The following USO1 variants were observed in gnomAD, a reference collection of about 807,000 sequenced individuals.
USO1 encodes general vesicular transport factor p115.
USO1 carries 57 observed loss-of-function variants against 124.5 expected under a neutral mutation model. That is an observed-to-expected ratio of 0.46 (90% CI 0.37 to 0.57). The LOEUF (loss-of-function observed/expected upper bound fraction) is 0.57, where lower values mean the gene tolerates loss of function less well. USO1 is among the 20% of genes least tolerant of loss of function. The probability of loss-of-function intolerance (pLI) is 0.00; values close to 1 mark genes in which losing one functional copy is unlikely to be tolerated. For missense variants in USO1, 900 were observed against 1,040.6 expected, an observed-to-expected ratio of 0.86 and a Z score of 1.86; for synonymous variants, 369 against 362.8, an observed-to-expected ratio of 1.02 and a Z score of -0.19.
In USO1 at chr4:75,774,616, T is replaced by C. The variant is rs538127148; in HGVS notation, c.556-60T>C. 7.9e-4 allele frequency: 1,220 copies of C among 1,535,348 alleles called. 1 individual carries two copies. Among genetic ancestry groups the C allele is most frequent in the Non-Finnish European group, 9.8e-4 (1,115 of 1,140,304 alleles). On this transcript the variant is annotated intron_variant, in intron 7 of 23. Transcript: ENST00000514213. Reference sequence around the variant, plus strand: ...TTCTAAAATTCTGTGATTTTTGAAGTAATTTAAAAATGTCTCATAAATTTT... The same window carrying C: ...TTCTAAAATTCTGTGATTTTTGAAGCAATTTAAAAATGTCTCATAAATTTT...
intron 4 of USO1, among the ~76,000 whole-genome samples, chr4:75,758,060 A>G (rs1202921226): frequency 6.6e-6 from 1 of 152,128 alleles, no homozygotes; most frequent in Non-Finnish European, 1.5e-5. Context: ...GAACATTGCT[A>G]TAAATCGGTT....
chr4:75,761,866 A>T (rs1294244125), intron 4 of USO1, among the ~76,000 whole-genome samples: 1 of 152,244 alleles, frequency 6.6e-6, no homozygotes, highest in Non-Finnish European at 1.5e-5. Context: ...TTATTAAAGT[A>T]TGAAGCATTA....
chr4:75,773,310 A>G (rs970899243), intron 7 of USO1, among the ~76,000 whole-genome samples: 1 of 151,988 alleles, frequency 6.6e-6, no homozygotes, highest in Non-Finnish European at 1.5e-5. Context: ...TACATGTTTT[A>G]TAACCTTTTT....
intron 13 of USO1, among the ~76,000 whole-genome samples, chr4:75,796,134 A>G (rs1722670891): frequency 6.6e-6 from 1 of 152,084 alleles, no homozygotes; most frequent in South Asian, 2.1e-4. Flanking sequence ...TAGCCTGCAG[A>G]ATTTTATATT....
intron 10 of USO1, among the ~76,000 whole-genome samples, chr4:75,788,539 TTTCTTTTC>T (rs1283082326): frequency 4.6e-4 from 69 of 149,126 alleles, no homozygotes; most frequent in African/African-American, 1.5e-3. Flanking sequence ...TTTCTTTTCT[TTTCTTTTC>T]TTTTTTTTTT....
At chr4:75,753,723 AATAAAT>A in intron 3 of USO1, among the ~76,000 whole-genome samples, 1 of 152,108 alleles carries the variant, frequency 6.6e-6, no homozygotes, top group East Asian at 1.9e-4. Context: ...GTCTTGACAA[AATAAAT>A]ATAAATTTAA....
chr4:75,729,630 T>TG (rs1214845100), intron 1 of USO1, among the ~76,000 whole-genome samples: 1 of 152,196 alleles, frequency 6.6e-6, no homozygotes, highest in East Asian at 1.9e-4. Flanking sequence ...CGTGAGCCAC[T>TG]GCGCCCAGCC....
chr4:75,779,776 A>G (rs1722168403), intron 8 of USO1, among the ~76,000 whole-genome samples: 1 of 152,252 alleles, frequency 6.6e-6, no homozygotes, highest in Non-Finnish European at 1.5e-5. Context: ...TAGAAACTGC[A>G]GCAAGTGTAT....
chr4:75,772,561 A>G (rs1462918783), intron 7 of USO1, among the ~76,000 whole-genome samples: 1 of 152,050 alleles, frequency 6.6e-6, no homozygotes, highest in Non-Finnish European at 1.5e-5. Flanking sequence ...TTATTCTTTA[A>G]TATTTAAGTG....
intron 19 of USO1, among the ~76,000 whole-genome samples, chr4:75,805,526 G>A (rs1722972788): frequency 6.6e-6 from 1 of 152,098 alleles, no homozygotes; most frequent in Non-Finnish European, 1.5e-5. Context: ...GGCCAATATG[G>A]CGAAACCCTG....
At chr4:75,763,898 A>G (rs1721693068) in intron 4 of USO1, among the ~76,000 whole-genome samples, 1 of 152,304 alleles carries the variant, frequency 6.6e-6, no homozygotes, top group East Asian at 1.9e-4. Context: ...AGTAGTTTAT[A>G]GTAGTTTGTA....
intron 13 of USO1, chr4:75,795,288 T>C: frequency 1.4e-6 from 1 of 699,400 alleles, no homozygotes; most frequent in Non-Finnish European, 2.6e-6. Context: ...ATTTAGACTT[T>C]TCTAAAGTAG....
chr4:75,782,647 C>G (rs771362846), intron 8 of USO1, 33 bp from the exon 9 acceptor site: 2 of 1,521,242 alleles, frequency 1.3e-6, no homozygotes, highest in African/African-American at 2.8e-5. Flanking sequence ...GTTTTACGAG[C>G]CTTAACGCTT....
intron 13 of USO1, 117 bp from the exon 14 acceptor site, chr4:75,799,505 T>C: frequency 8.6e-7 from 1 of 1,162,932 alleles, no homozygotes; most frequent in Non-Finnish European, 1.2e-6. Flanking sequence ...GATTTCTGGC[T>C]CATCTCTTGT....
intron 1 of USO1, among the ~76,000 whole-genome samples, chr4:75,743,265 G>A (rs945048486): frequency 3.9e-5 from 6 of 152,030 alleles, no homozygotes; most frequent in Non-Finnish European, 8.8e-5. Context: ...GATTACAAGC[G>A]TGAGCCACCA....
At position 75,757,423 on chromosome 4, in the gene USO1, A is replaced by T. The variant is rs4859552; in HGVS notation, c.219-74A>T. 1.5e-5 allele frequency: 19 copies of T among 1,309,856 alleles called. 1 individual carries two copies. The East Asian group carries it at 6.7e-4, about 46-fold the overall frequency. The allele number at this position is 1,309,856 out of a possible 1,614,324, so 81.1% of individuals were successfully genotyped here. A position where few individuals can be genotyped will look rare whatever the true frequency, so the allele number is the denominator to read the frequency against. Reference sequence around the variant, plus strand: ...AGAAATGGAATTTTCTAAAATTGCTAAATAACTAAAAATGGTCATAACAGT... The same window carrying T: ...AGAAATGGAATTTTCTAAAATTGCTTAATAACTAAAAATGGTCATAACAGT... On this transcript the variant is annotated intron_variant, in intron 3 of 23. Transcript: ENST00000514213.
chr4:75,778,060 G>A (rs995692738), intron 8 of USO1, among the ~76,000 whole-genome samples: 1 of 152,148 alleles, frequency 6.6e-6, no homozygotes, highest in Non-Finnish European at 1.5e-5. Context: ...AAGGCATATT[G>A]CTGAGTGAAA....
intron 1 of USO1, among the ~76,000 whole-genome samples, chr4:75,736,592 C>T (rs1010647927): frequency 2.6e-5 from 4 of 152,038 alleles, no homozygotes; most frequent in African/African-American, 7.2e-5. Flanking sequence ...CGTGGGCCAC[C>T]GCGCCTGGCC....
At chr4:75,758,520 T>C (rs1199656943) in intron 4 of USO1, among the ~76,000 whole-genome samples, 2 of 152,224 alleles carry the variant, frequency 1.3e-5, no homozygotes, top group Non-Finnish European at 1.5e-5. Flanking sequence ...AATACTAGTA[T>C]TGAGAACATC....
Sources: gnomAD v4.1 joint callset for allele counts (sites outside exome capture counted in the v4.1 genomes callset) on GRCh38, gnomAD v4.1.1 for gene constraint, MANE v1.5 for transcripts, NCBI Gene and HGNC (gene_info 2026-07-23, HGNC 2026-07-21) for gene names.